CHL1: variants seen among roughly 807,000 people sequenced by gnomAD.
CHL1 encodes cell adhesion molecule L1 like.
In CHL1, 96 loss-of-function variants were observed where a neutral mutation model predicts 141.9. The observed-to-expected ratio is 0.68, with a 90% CI of 0.57 to 0.80. The LOEUF is 0.80. Among genes scored for constraint, CHL1 ranks in the 30% least tolerant of loss-of-function variants. The pLI, the probability that CHL1 is intolerant of heterozygous loss-of-function variation, is 0.00. For synonymous variants in CHL1, 613 were observed against 502.2 expected (o/e 1.22, Z -2.95); for missense variants, 1,820 against 1,457.2 (o/e 1.25, Z -4.05).
chr3:257,837 A>G (rs1262532851), intron 2 of CHL1, among the ~76,000 whole-genome samples: 1 of 152,234 alleles, frequency 6.6e-6, no homozygotes, highest in African/African-American at 2.4e-5. Flanking sequence ...AATTACAAAT[A>G]AGTGCAAGTA....
At position 361,681 on chromosome 3, in the gene CHL1, T is replaced by G; in HGVS notation, c.1307-18T>G. The G allele has an allele frequency of 1.3e-6, 2 of 1,560,512 alleles. No homozygotes were observed. Among genetic ancestry groups the G allele is most frequent in the South Asian group, 2.2e-5 (2 of 89,882 alleles). On this transcript the variant is annotated intron_variant, in intron 12 of 27. Coordinates refer to ENST00000256509, the MANE Select transcript of CHL1 (RefSeq NM_006614.4). Reference sequence around the variant, plus strand: ...TTCCACAAAAGTTTAAAACTGCGTTTATGTTATTTTCAAATAGATGTCCGT... The same window carrying G: ...TTCCACAAAAGTTTAAAACTGCGTTGATGTTATTTTCAAATAGATGTCCGT...
chr3:395,102 A>C (rs1212213470), intron 24 of CHL1, among the ~76,000 whole-genome samples: 2 of 152,206 alleles, frequency 1.3e-5, no homozygotes, highest in Admixed American at 1.3e-4. Context: ...TACCAATCAA[A>C]TTATAGCTTA....
intron 2 of CHL1, among the ~76,000 whole-genome samples, chr3:291,029 C>G (rs1697645720): frequency 2.0e-5 from 3 of 151,584 alleles, no homozygotes; most frequent in Admixed American, 2.0e-4. Context: ...TGCTTAATAA[C>G]ATAGTCATTG....
intron 2 of CHL1, among the ~76,000 whole-genome samples, chr3:252,398 AT>A (rs1256810394): frequency 7.1e-6 from 1 of 141,282 alleles, no homozygotes; most frequent in Non-Finnish European, 1.5e-5. Flanking sequence ...ATATATATAT[AT>A]ATTTCTATTT....
chr3:372,196 T>C (rs934975931), intron 15 of CHL1, among the ~76,000 whole-genome samples: 1 of 152,190 alleles, frequency 6.6e-6, no homozygotes, highest in Admixed American at 6.5e-5. Flanking sequence ...TATCCGGAAG[T>C]GTGTTTTTCA....
At chr3:341,580 T>G (rs1217521173) in intron 6 of CHL1, among the ~76,000 whole-genome samples, 1 of 152,188 alleles carries the variant, frequency 6.6e-6, no homozygotes, top group Non-Finnish European at 1.5e-5. Flanking sequence ...ATTAGGTCAT[T>G]GTCTGCATTG....
chr3:286,354 T>C (rs1355710506), intron 2 of CHL1, among the ~76,000 whole-genome samples: 1 of 152,184 alleles, frequency 6.6e-6, no homozygotes, highest in East Asian at 1.9e-4. Flanking sequence ...CTCATGCCTG[T>C]AATCCCAGCA....
chr3:219,512 AAAAG>A (rs747303252), intron 1 of CHL1, among the ~76,000 whole-genome samples: 2 of 152,234 alleles, frequency 1.3e-5, no homozygotes, highest in Non-Finnish European at 2.9e-5. Context: ...CAGCCATTAA[AAAAG>A]AATGAGATCA....
chr3:343,085 C>T, intron 8 of CHL1, 54 bp downstream of exon 8: 1 of 1,414,996 alleles, frequency 7.1e-7, no homozygotes, highest in Non-Finnish European at 9.6e-7. Flanking sequence ...ATTGTCATCT[C>T]AGATTTTGAA....
chr3:386,760 A>C (rs1335488747), intron 19 of CHL1, among the ~76,000 whole-genome samples: 1 of 152,176 alleles, frequency 6.6e-6, no homozygotes, highest in Non-Finnish European at 1.5e-5. Context: ...ATTATTTATA[A>C]TACAAGTATA....
intron 9 of CHL1, among the ~76,000 whole-genome samples, chr3:347,985 A>C (rs991760696): frequency 2.0e-5 from 3 of 152,222 alleles, no homozygotes; most frequent in South Asian, 2.1e-4. Context: ...TGCATAAATA[A>C]CTGAATTATT....
chr3:336,382 ATC>A (rs1701865027), intron 5 of CHL1, among the ~76,000 whole-genome samples: 1 of 152,122 alleles, frequency 6.6e-6, no homozygotes, highest in African/African-American at 2.4e-5. Flanking sequence ...TGTTTTTTTC[ATC>A]ACAGTGGTTA....
At chr3:392,112 C>T (rs1405155060) in intron 23 of CHL1, among the ~76,000 whole-genome samples, 2 of 152,130 alleles carry the variant, frequency 1.3e-5, no homozygotes, top group Non-Finnish European at 2.9e-5. Flanking sequence ...AAATGTTTAC[C>T]GTCTGGCCCT....
chr3:402,114 A>C (rs188476581), intron 27 of CHL1, among the ~76,000 whole-genome samples: 1 of 152,368 alleles, frequency 6.6e-6, no homozygotes, highest in East Asian at 1.9e-4. Flanking sequence ...GATGAACCTG[A>C]TCAGCAGAGA....
At chr3:225,826 T>G (rs536324783) in intron 1 of CHL1, among the ~76,000 whole-genome samples, 34 of 152,030 alleles carry the variant, frequency 2.2e-4, no homozygotes, top group Admixed American at 7.2e-4. Flanking sequence ...TGGCTAACTC[T>G]GTGAAAACCC....
chr3:286,512 G>A (rs1385177007), intron 2 of CHL1, among the ~76,000 whole-genome samples: 1 of 151,600 alleles, frequency 6.6e-6, no homozygotes, highest in Non-Finnish European at 1.5e-5. Context: ...TTGGGAGGCT[G>A]AGGCAGGAGA....
At chr3:360,132 G>A (rs1031694872) in intron 11 of CHL1, 152 bp from the exon 12 acceptor site, 3 of 755,854 alleles carry the variant, frequency 4.0e-6, no homozygotes, top group Non-Finnish European at 6.2e-6. Context: ...CATAGTTGAT[G>A]TTCAGAAAAC....
intron 1 of CHL1, among the ~76,000 whole-genome samples, chr3:232,806 C>T (rs2125049185): frequency 6.6e-6 from 1 of 152,112 alleles, no homozygotes. Flanking sequence ...AAATGGCTTG[C>T]TAGTAAGTGC....
chr3:395,147 A>C (rs565284969), intron 24 of CHL1, among the ~76,000 whole-genome samples: 4 of 152,364 alleles, frequency 2.6e-5, no homozygotes, highest in African/African-American at 9.6e-5. Context: ...ATTTTACTTA[A>C]TTAAAGTAGC....
Sources: allele counts gnomAD v4.1 joint callset (sites outside exome capture counted in the v4.1 genomes callset), GRCh38; gene constraint gnomAD v4.1.1; transcripts MANE v1.5; gene names NCBI Gene and HGNC (gene_info 2026-07-23, HGNC 2026-07-21).